The following RAB3IL1 variants were observed in gnomAD, a reference collection of about 807,000 sequenced individuals.
RAB3IL1 encodes the protein guanine nucleotide exchange factor for Rab-3A.
A neutral mutation model predicts 49.2 loss-of-function variants in RAB3IL1; 37 were observed. The observed-to-expected ratio is 0.75, with a 90% CI of 0.58 to 0.99. The LOEUF is 0.99. Among genes scored for constraint, RAB3IL1 ranks in the 50% least tolerant of loss-of-function variants. The pLI, the probability that RAB3IL1 is intolerant of heterozygous loss-of-function variation, is 0.00. For missense variants in RAB3IL1, 484 were observed against 513.0 expected, an observed-to-expected ratio of 0.94 and a Z score of 0.55; for synonymous variants, 193 against 213.9, an observed-to-expected ratio of 0.90 and a Z score of 0.85.
chr11:61,904,699 G>C (rs1458237851), intron 6 of RAB3IL1, 41 bp from the exon 7 acceptor site: 7 of 1,588,130 alleles, frequency 4.4e-6, no homozygotes, highest in African/African-American at 1.3e-5. Flanking sequence ...GTAAGGGGCT[G>C]GGCCCTGGCG....
chr11:61,923,650 G>A (rs1939950800), upstream of RAB3IL1, among the ~76,000 whole-genome samples: 1 of 152,220 alleles, frequency 6.6e-6, no homozygotes, highest in African/African-American at 2.4e-5. Context: ...AACTTCCTCA[G>A]GTCAGCCAGT....
the RAB3IL1 span, among the ~76,000 whole-genome samples, chr11:61,945,482 C>T: frequency 6.6e-6 from 1 of 152,220 alleles, no homozygotes; most frequent in Non-Finnish European, 1.5e-5. Flanking sequence ...ACTGTGACTT[C>T]AGGCAAGTCA....
At chr11:61,909,800 T>C (rs1199516259) in intron 1 of RAB3IL1, among the ~76,000 whole-genome samples, 3 of 152,136 alleles carry the variant, frequency 2.0e-5, no homozygotes, top group Non-Finnish European at 4.4e-5. Context: ...GACCACGCTG[T>C]CTCCTTTAAA....
Position 61,908,267 on chromosome 11 carries a change from T to C in RAB3IL1, c.51A>G (p.Ala17=). The C allele has an allele frequency of 1.3e-6, 2 of 1,513,370 alleles. No homozygotes were observed. Among genetic ancestry groups the C allele is most frequent in the Non-Finnish European group, 1.8e-6 (2 of 1,132,080 alleles). The allele number at this position is 1,513,370 out of a possible 1,614,324, so 93.7% of individuals were successfully genotyped here. A position where few individuals can be genotyped will look rare whatever the true frequency, so the allele number is the denominator to read the frequency against. ...TGCTCTTCCAGGGGACCGGGACAGC[T>C]GCAAGGGGCGGCGGGAGGCCCTGGT... ...QPDQGLPPPL[A]AVPVPWKSTD... The change falls in exon 2 of 10, where the codon GCA becomes GCG. Residue 17 remains alanine, a synonymous_variant. Transcript: ENST00000394836.
intron 1 of RAB3IL1, among the ~76,000 whole-genome samples, chr11:61,916,082 A>G (rs1163610311): frequency 6.6e-6 from 1 of 150,794 alleles, no homozygotes; most frequent in East Asian, 1.9e-4. Flanking sequence ...GTGGTGGTAA[A>G]AGCCTGTAAT....
chr11:61,943,565 C>T, the RAB3IL1 span, among the ~76,000 whole-genome samples: 3 of 152,072 alleles, frequency 2.0e-5, no homozygotes, highest in African/African-American at 4.8e-5. Flanking sequence ...TTGTAAATCA[C>T]GTGCTTGATA....
chr11:61,898,098 C>A lies in RAB3IL1; in HGVS notation c.*180G>T. ...GGGGGGTCTTGCCGTGAAGTCCAGG[C>A]CCGTCTGTCCCAGGATGGACGTGTG... On this transcript the variant is annotated 3_prime_UTR_variant, in exon 10 of 10. Transcript: ENST00000394836. This position sits in a 1 kb window ranked among gnomAD's most constrained non-coding sequence, Gnocchi z 5.1. 1.6e-6 allele frequency: 1 copy of A among 633,468 alleles called. No individual in the cohort carries two copies. The highest frequency in any genetic ancestry group is 2.8e-6 in the Non-Finnish European group (1 of 356,802). 39.2% of individuals were successfully genotyped at this position (633,468 alleles called of 1,614,324 possible). A position where few individuals can be genotyped will look rare whatever the true frequency, so the allele number is the denominator to read the frequency against.
At position 61,912,683 on chromosome 11, in the gene RAB3IL1, G is replaced by A. The variant is rs60059418; in HGVS notation, c.12-4377C>T. 2.2e-3 allele frequency among the ~76,000 whole-genome samples: 338 copies of A among 152,286 alleles called. 5 individuals are homozygous for A. The highest frequency in any genetic ancestry group is 0.016 in the East Asian group (82 of 5,178). On this transcript the variant is annotated intron_variant, in intron 1 of 9. Coordinates refer to ENST00000394836, the MANE Select transcript of RAB3IL1 (RefSeq NM_013401.4). Reference sequence around the variant, plus strand: ...GAACTGAATGCAGAGTACAGGCATAGCGTATCACGTGGCCTGTCACCCAGA... The same window carrying A: ...GAACTGAATGCAGAGTACAGGCATAACGTATCACGTGGCCTGTCACCCAGA...
chr11:61,944,258 C>CCTTCCTTT, the RAB3IL1 span, among the ~76,000 whole-genome samples: 13 of 139,012 alleles, frequency 9.4e-5, no homozygotes, highest in African/African-American at 1.2e-4. Flanking sequence ...TTCCTTCCTT[C>CCTTCCTTT]CTTCCTTCCT....
At chr11:61,945,728 G>A in the RAB3IL1 span, 1 of 979,202 alleles carries the variant, frequency 1.0e-6, no homozygotes, top group Non-Finnish European at 1.2e-6. Context: ...TTCTGAGCTG[G>A]AGGGGTGGGG....
chr11:61,924,571 C>T (rs991032502), upstream of RAB3IL1, among the ~76,000 whole-genome samples: 1 of 152,092 alleles, frequency 6.6e-6, no homozygotes, highest in African/African-American at 2.4e-5. Flanking sequence ...TCTCTGGCTG[C>T]GAAGACCCAT....
the RAB3IL1 span, among the ~76,000 whole-genome samples, chr11:61,933,903 C>T: frequency 6.6e-6 from 1 of 151,824 alleles, no homozygotes; most frequent in African/African-American, 2.4e-5. Flanking sequence ...CAAGATTGCG[C>T]CACTGCACCC....
chr11:61,917,308 C>A, intron 1 of RAB3IL1, 49 bp downstream of exon 1: 3 of 1,353,250 alleles, frequency 2.2e-6, no homozygotes, highest in Non-Finnish European at 2.9e-6. Flanking sequence ...TCCCGGGAGG[C>A]GACCGCGGCC....
At chr11:61,931,580 G>GA in the RAB3IL1 span, among the ~76,000 whole-genome samples, 1 of 151,810 alleles carries the variant, frequency 6.6e-6, no homozygotes, top group Non-Finnish European at 1.5e-5. Flanking sequence ...CCAGTAAGCA[G>GA]AAGAAAAGCA....
At chr11:61,933,395 G>A in the RAB3IL1 span, among the ~76,000 whole-genome samples, 2 of 151,002 alleles carry the variant, frequency 1.3e-5, no homozygotes, top group Non-Finnish European at 2.9e-5. Flanking sequence ...CAGCCACCAG[G>A]AGCTGAAAGA....
chr11:61,898,486 A>G lies in RAB3IL1; in HGVS notation c.1067-126T>C. 7 of 750,726 alleles carry G rather than the reference A, an allele frequency of 9.3e-6. No homozygotes were observed. The South Asian group carries it at 1.1e-4, about 12-fold the overall frequency. 46.5% of individuals were successfully genotyped at this position (750,726 alleles called of 1,614,324 possible). A position where few individuals can be genotyped will look rare whatever the true frequency, so the allele number is the denominator to read the frequency against. Reference sequence around the variant, plus strand: ...AGCACCCTAGGGTCCCCGGCCCCCAAAACAGATGACCTCAGTGAGTGGCTG... The same window carrying G: ...AGCACCCTAGGGTCCCCGGCCCCCAGAACAGATGACCTCAGTGAGTGGCTG... On this transcript the variant is annotated intron_variant, in intron 9 of 9. Coordinates refer to ENST00000394836, the MANE Select transcript of RAB3IL1 (RefSeq NM_013401.4). This position sits in a 1 kb window ranked among gnomAD's most constrained non-coding sequence, Gnocchi z 5.1.
the RAB3IL1 span, among the ~76,000 whole-genome samples, chr11:61,933,157 C>T: frequency 1.3e-5 from 2 of 152,126 alleles, no homozygotes; most frequent in Non-Finnish European, 2.9e-5. Flanking sequence ...ATATTGAATC[C>T]TAATCTTTGA....
rs145011989 is a variant in RAB3IL1, at chr11:61,902,494, C to T, written c.947G>A (p.Arg316Gln). Residue 316 changes from arginine to glutamine, a missense_variant, in exon 8 of 10, where the codon CGG becomes CAG. By Grantham distance (43) the Arg-to-Gln change is conservative. Coordinates refer to ENST00000394836, the MANE Select transcript of RAB3IL1 (RefSeq NM_013401.4). ...GLTRTCRHRIRLGDSKSHYYI... is the reference protein window; with the variant it reads ...GLTRTCRHRIQLGDSKSHYYI... ...GTAATGGCTTTTGGAGTCCCCGAGC[C>T]GGATTCGGTGGCGGCAGGTGCGGGT... The T allele has an allele frequency of 4.2e-5, 68 of 1,604,650 alleles. No homozygotes were observed. The highest frequency in any genetic ancestry group is 5.3e-5 in the Non-Finnish European group (62 of 1,177,112).
intron 4 of RAB3IL1, 40 bp downstream of exon 4, chr11:61,907,353 G>T (rs747372755): frequency 3.1e-6 from 5 of 1,601,684 alleles, no homozygotes; most frequent in South Asian, 1.1e-5. Flanking sequence ...AGGCAGGGGG[G>T]GTGCCTGGGC....
Sources: gnomAD v4.1 joint callset for allele counts (sites outside exome capture counted in the v4.1 genomes callset) on GRCh38, gnomAD v4.1.1 for gene constraint, Gnocchi (gnomAD v3.1) non-coding constraint, MANE v1.5 for transcripts, NCBI Gene and HGNC (gene_info 2026-07-23, HGNC 2026-07-21) for gene names.